The following ROBO2 variants were observed in gnomAD, a reference collection of about 807,000 sequenced individuals.
ROBO2 encodes roundabout homolog 2.
Under a neutral mutation model 160.8 loss-of-function variants are expected in ROBO2, and 53 were observed. That is an observed-to-expected ratio of 0.33 (90% CI 0.26 to 0.41). The LOEUF (loss-of-function observed/expected upper bound fraction) is 0.41. ROBO2 is among the 10% of genes least tolerant of loss of function. The pLI is 1.00. For synonymous variants in ROBO2, 664 were observed against 611.7 expected, an observed-to-expected ratio of 1.09 and a Z score of -1.26; for missense variants, 1,577 against 1,722.4, an observed-to-expected ratio of 0.92 and a Z score of 1.49.
At chr3:75,928,516 G>A (rs924953442) in intron 1 of ROBO2, among the ~76,000 whole-genome samples, 3 of 152,100 alleles carry the variant, frequency 2.0e-5, no homozygotes, top group Non-Finnish European at 4.4e-5. Flanking sequence ...AGCCTCACAG[G>A]CAGGTTGTTT....
rs1186957924 is a variant in ROBO2 at position 76,725,967 on chromosome 3, C to T, written c.110-372047C>T. 2.6e-5 allele frequency among the ~76,000 whole-genome samples: 4 copies of T among 152,206 alleles called. No individual in the cohort carries two copies. The East Asian group carries it at 5.8e-4, about 22-fold the overall frequency. On this transcript the variant is annotated intron_variant, in intron 2 of 26. Coordinates refer to the ROBO2 transcript ENST00000487694. ...CTTCTGCCATAGATTAGGTCATATG[C>T]GAATTACTTACAGAGCTATCTCTTG...
At chr3:77,413,643 C>T (rs769419899) in intron 2 of ROBO2, among the ~76,000 whole-genome samples, 5 of 152,088 alleles carry the variant, frequency 3.3e-5, no homozygotes, top group Non-Finnish European at 5.9e-5. Flanking sequence ...GTGGAATCAG[C>T]GGAGAGGTTA....
chr3:76,430,489 T>A (rs894828595), intron 2 of ROBO2, among the ~76,000 whole-genome samples: 1 of 152,124 alleles, frequency 6.6e-6, no homozygotes, highest in African/African-American at 2.4e-5. Context: ...AGCCTATTTT[T>A]ATTTTCTTCT....
chr3:77,136,846 A>G (rs1271480508), intron 2 of ROBO2, among the ~76,000 whole-genome samples: 3 of 152,096 alleles, frequency 2.0e-5, no homozygotes, highest in Non-Finnish European at 4.4e-5. Flanking sequence ...TGTGTTAGCC[A>G]GGATGGTCTC....
chr3:77,007,436 C>T (rs1458038739), intron 2 of ROBO2, among the ~76,000 whole-genome samples: 2 of 152,050 alleles, frequency 1.3e-5, no homozygotes, highest in East Asian at 3.9e-4. Context: ...TCACATTTCT[C>T]AGAGACTGCC....
rs1295026188 is a variant in ROBO2 at position 76,746,932 on chromosome 3, T to G, written c.110-351082T>G. ...GTTTTCTGATCCTGTGTTAGTTTGC[T>G]GAGGATAATGGCGTCCAGGTCCATC... On this transcript the variant is annotated intron_variant, in intron 2 of 26. Coordinates refer to the ROBO2 transcript ENST00000487694. Among the ~76,000 whole-genome samples the G allele has an allele frequency of 2.0e-5, 3 of 152,136 alleles. No homozygotes were observed. In the East Asian group the frequency reaches 5.8e-4, roughly 29 times the overall value.
intron 2 of ROBO2, among the ~76,000 whole-genome samples, chr3:76,635,085 A>G (rs1282420198): frequency 6.6e-6 from 1 of 152,152 alleles, no homozygotes; most frequent in Non-Finnish European, 1.5e-5. Flanking sequence ...CCTAGCGCCA[A>G]AATGTCGGGG....
At chr3:77,294,328 C>CAGATCACCAAAGACA in intron 2 of ROBO2, among the ~76,000 whole-genome samples, 1 of 77,312 alleles carries the variant, frequency 1.3e-5, no homozygotes, top group East Asian at 3.8e-4. Flanking sequence ...TAAGCTGAGG[C>CAGATCACCAAAGACA]TAGATCACCA....
chr3:76,369,728 C>G (rs1257113552), intron 2 of ROBO2, among the ~76,000 whole-genome samples: 1 of 151,858 alleles, frequency 6.6e-6, no homozygotes, highest in Non-Finnish European at 1.5e-5. Context: ...CTACTTATAC[C>G]CCTTAAATAA....
intron 2 of ROBO2, among the ~76,000 whole-genome samples, chr3:77,134,863 C>T (rs571472308): frequency 5.3e-5 from 8 of 152,162 alleles, no homozygotes; most frequent in East Asian, 3.9e-4. Flanking sequence ...TCACTCTACT[C>T]GATTAAGAGA....
chr3:76,774,003 A>G (rs1290932107), intron 2 of ROBO2, among the ~76,000 whole-genome samples: 1 of 150,914 alleles, frequency 6.6e-6, no homozygotes, highest in Non-Finnish European at 1.5e-5. Context: ...TGCTACAAAT[A>G]TGCTCCTTTT....
intron 2 of ROBO2, among the ~76,000 whole-genome samples, chr3:77,394,783 C>T (rs778798063): frequency 1.2e-4 from 18 of 152,076 alleles, no homozygotes; most frequent in Admixed American, 2.6e-4. Context: ...ATTTACCTTA[C>T]CTATCTTCAC....
intron 2 of ROBO2, among the ~76,000 whole-genome samples, chr3:77,268,145 C>G (rs2059256519): frequency 1.3e-5 from 2 of 152,150 alleles, no homozygotes; most frequent in Admixed American, 1.3e-4. Context: ...ACTGTTATAA[C>G]ATAATTCTTA....
chr3:76,896,253 C>A (rs934829762), intron 2 of ROBO2, among the ~76,000 whole-genome samples: 10 of 152,126 alleles, frequency 6.6e-5, no homozygotes, highest in African/African-American at 2.2e-4. Flanking sequence ...ATTGTTAACT[C>A]AATTCTTAGC....
At chr3:76,873,383 TC>T (rs1208491779) in intron 2 of ROBO2, among the ~76,000 whole-genome samples, 1 of 152,156 alleles carries the variant, frequency 6.6e-6, no homozygotes, top group Non-Finnish European at 1.5e-5. Context: ...TTTGAGAAAC[TC>T]CTTCTACTAT....
intron 2 of ROBO2, among the ~76,000 whole-genome samples, chr3:77,186,241 T>C (rs558962797): frequency 6.6e-6 from 1 of 152,046 alleles, no homozygotes; most frequent in Admixed American, 6.6e-5. Context: ...CAAAAATGTT[T>C]AATGTCATGG....
chr3:75,975,149 G>A (rs1000902794), intron 2 of ROBO2, among the ~76,000 whole-genome samples: 3 of 151,426 alleles, frequency 2.0e-5, no homozygotes, highest in African/African-American at 7.3e-5. Context: ...CAGATATCTA[G>A]ACAATTATCA....
intron 2 of ROBO2, among the ~76,000 whole-genome samples, chr3:76,774,928 C>T (rs1210226224): frequency 6.7e-6 from 1 of 150,066 alleles, no homozygotes; most frequent in African/African-American, 2.4e-5. Flanking sequence ...GCTCAAAATA[C>T]ACAAGAGAAT....
intron 21 of ROBO2, among the ~76,000 whole-genome samples, chr3:77,608,476 T>A (rs1356385371): frequency 6.6e-6 from 1 of 152,204 alleles, no homozygotes; most frequent in African/African-American, 2.4e-5. Flanking sequence ...ATAGAGCCAA[T>A]GCATACTCTG....
Sources: gnomAD v4.1 joint callset for allele counts (sites outside exome capture counted in the v4.1 genomes callset) on GRCh38, gnomAD v4.1.1 for gene constraint, MANE v1.5 for transcripts, NCBI Gene and HGNC (gene_info 2026-07-23, HGNC 2026-07-21) for gene names.